CR2: variants seen among roughly 807,000 people sequenced by gnomAD.
CR2 encodes the protein complement receptor type 2.
A neutral mutation model predicts 123.0 loss-of-function variants in CR2; 96 were observed. The ratio of observed to expected loss-of-function variants is 0.78; its 90% CI spans 0.66 to 0.93. The LOEUF is 0.93. Ranked by LOEUF, CR2 falls within the 40% of genes least tolerant of loss-of-function variation. The pLI is 0.00. For synonymous variants in CR2, 484 were observed against 469.5 expected (o/e 1.03, Z -0.40); for missense variants, 1,258 against 1,361.0 (o/e 0.92, Z 1.19).
Position 207,466,842 on chromosome 1 carries a change from C to T in CR2, c.375C>T (p.Asn125=), listed in dbSNP as rs138096192. 1.6e-4 allele frequency: 256 copies of T among 1,612,976 alleles called. No homozygotes were observed. The highest frequency in any genetic ancestry group is 3.3e-4 in the Middle Eastern group (2 of 6,080). The change falls in exon 2 of 20, where the codon AAC becomes AAT. Residue 125 remains asparagine, a synonymous_variant. Coordinates refer to ENST00000367057, the MANE Select transcript of CR2 (RefSeq NM_001006658.3). ...CCTGTAAAACCAACTTCTCCATGAA[C>T]GGAAACAAGTCTGTTTGGTGTCAAG... ...TFACKTNFSM[N]GNKSVWCQAN...
At chr1:207,478,663 ATG>A (rs1208887619) in intron 16 of CR2, among the ~76,000 whole-genome samples, 1 of 152,122 alleles carries the variant, frequency 6.6e-6, no homozygotes, top group Admixed American at 6.5e-5. Context: ...AGGAACAAAA[ATG>A]TGAAACAAGC....
chr1:207,480,673 T>C (rs2102311820), intron 18 of CR2, among the ~76,000 whole-genome samples: 1 of 152,320 alleles, frequency 6.6e-6, no homozygotes, highest in African/African-American at 2.4e-5. Flanking sequence ...TGATAACTAT[T>C]GTCAGATGAC....
In CR2 at chr1:207,480,073, C is replaced by G. The variant is rs1658562875; in HGVS notation, c.3188+20C>G. ...AGCACGGTAAGTTCAAAGGCGAATACTTGATTGACCAACATGCACAAGTGG... is the reference window on the plus strand; with the variant it reads ...AGCACGGTAAGTTCAAAGGCGAATAGTTGATTGACCAACATGCACAAGTGG... On this transcript the variant is annotated intron_variant, in intron 18 of 19. Transcript: ENST00000367057. 1 of 1,561,708 alleles carries G rather than the reference C, an allele frequency of 6.4e-7. No homozygotes were observed. Among genetic ancestry groups the G allele is most frequent in the Non-Finnish European group, 8.8e-7 (1 of 1,132,916 alleles).
intron 9 of CR2, 24 bp from the exon 10 acceptor site, chr1:207,472,748 T>C (rs1031704917): frequency 4.3e-6 from 7 of 1,611,272 alleles, no homozygotes; most frequent in Non-Finnish European, 5.9e-6. Context: ...AACTCAATTC[T>C]ACAGTATCTT....
chr1:207,463,657 A>G (rs951778083), intron 1 of CR2, among the ~76,000 whole-genome samples: 2 of 152,006 alleles, frequency 1.3e-5, no homozygotes, highest in African/African-American at 2.4e-5. Context: ...TTTTTATTTT[A>G]AGTTCTGGGG....
At position 207,474,856 on chromosome 1, in the gene CR2, A is replaced by G; in HGVS notation, c.2356A>G (p.Asn786Asp). ...IHCHPPPVIV[N>D]GKHTGMMAEN... ...CTGTCACCCTCCACCAGTGATTGTC[A>G]ATGGGAAGCACACAGGCATGATGGC... Residue 786 changes from asparagine to aspartate, a missense_variant, in exon 14 of 20, where the codon AAT (asparagine) becomes GAT (aspartate). Coordinates refer to ENST00000367057, the MANE Select transcript of CR2 (RefSeq NM_001006658.3). 3 of 1,614,028 alleles carry G rather than the reference A, an allele frequency of 1.9e-6. No individual in the cohort carries two copies. Among genetic ancestry groups the G allele is most frequent in the Non-Finnish European group, 2.5e-6 (3 of 1,179,938 alleles).
chr1:207,469,306 T>G (rs543580631), intron 5 of CR2, 74 bp downstream of exon 5: 18 of 1,043,874 alleles, frequency 1.7e-5, no homozygotes, highest in East Asian at 4.7e-5. Flanking sequence ...AGTCATTACC[T>G]TACAGACTCT....
intron 19 of CR2, among the ~76,000 whole-genome samples, chr1:207,486,946 T>C (rs1572968594): frequency 6.6e-6 from 1 of 152,360 alleles, no homozygotes; most frequent in East Asian, 1.9e-4. Flanking sequence ...AGTCTGTATT[T>C]TGGGCAATTG....
At chr1:207,458,073 C>CACACACACACACACACACAT (rs1553278525) in intron 1 of CR2, among the ~76,000 whole-genome samples, 2 of 149,192 alleles carry the variant, frequency 1.3e-5, no homozygotes, top group African/African-American at 5.0e-5. Flanking sequence ...CACACACACA[C>CACACACACACACACACACAT]ACACACACAC....
At position 207,466,955 on chromosome 1, in the gene CR2, C is replaced by A; in HGVS notation, c.445+43C>A. On this transcript the variant is annotated intron_variant, in intron 2 of 19. Transcript: ENST00000367057. Reference sequence around the variant, plus strand: ...GCTGGGTTGGGAGGTTGGGGTCTTGCCTTTCTGTGCAGACCACGTTTTGTA... The same window carrying A: ...GCTGGGTTGGGAGGTTGGGGTCTTGACTTTCTGTGCAGACCACGTTTTGTA... The A allele has an allele frequency of 1.9e-6, 3 of 1,540,294 alleles. No homozygotes were observed. The East Asian group carries it at 6.8e-5, about 35-fold the overall frequency.
chr1:207,462,801 G>A (rs753155061), intron 1 of CR2, among the ~76,000 whole-genome samples: 3 of 152,126 alleles, frequency 2.0e-5, no homozygotes, highest in Non-Finnish European at 4.4e-5. Context: ...ATCACTGTGA[G>A]ATTTTTAAGG....
intron 13 of CR2, 80 bp from the exon 14 acceptor site, chr1:207,474,744 A>C (rs1481696245): frequency 1.6e-5 from 22 of 1,412,008 alleles, no homozygotes; most frequent in Admixed American, 1.2e-4. Context: ...ATGCAGTTGC[A>C]TATTGTCATT....
At chr1:207,483,983 G>A (rs375439565) in intron 18 of CR2, among the ~76,000 whole-genome samples, 2 of 152,112 alleles carry the variant, frequency 1.3e-5, no homozygotes, top group Non-Finnish European at 1.5e-5. Flanking sequence ...AGAGAGTAGC[G>A]TCACAGAATT....
intron 1 of CR2, among the ~76,000 whole-genome samples, chr1:207,459,881 T>C (rs764904730): frequency 7.2e-5 from 11 of 152,214 alleles, no homozygotes; most frequent in Non-Finnish European, 1.5e-4. Context: ...CAAAGGAAGA[T>C]AGCCCTTAAG....
At chr1:207,460,641 C>T (rs551212310) in intron 1 of CR2, among the ~76,000 whole-genome samples, 3 of 152,034 alleles carry the variant, frequency 2.0e-5, no homozygotes, top group Non-Finnish European at 2.9e-5. Flanking sequence ...CAGTTTAGGG[C>T]GTTGAAACTT....
chr1:207,473,795 C>T lies in CR2; in HGVS notation c.2156-6C>T. 1.2e-6 allele frequency: 2 copies of T among 1,613,982 alleles called. No individual in the cohort carries two copies. The highest frequency in any genetic ancestry group is 1.7e-6 in the Non-Finnish European group (2 of 1,179,876). Reference sequence around the variant, plus strand: ...AAATACTGTAATTCCATCCTTGCTTCTCCAGAAACATGCCAGCATGTGAGA... The same window carrying T: ...AAATACTGTAATTCCATCCTTGCTTTTCCAGAAACATGCCAGCATGTGAGA... On this transcript the variant is annotated splice_region_variant and splice_polypyrimidine_tract_variant and intron_variant, in intron 11 of 19. Transcript: ENST00000367057.
At chr1:207,473,917 G>C (rs1450897050) in intron 12 of CR2, 32 bp downstream of exon 12, 1 of 1,594,924 alleles carries the variant, frequency 6.3e-7, no homozygotes, top group Non-Finnish European at 8.6e-7. Flanking sequence ...CTGAGAAAAG[G>C]TCTCAACCTT....
At chr1:207,474,676 TA>T (rs1353652545) in intron 13 of CR2, 147 bp from the exon 14 acceptor site, 4 of 877,310 alleles carry the variant, frequency 4.6e-6, no homozygotes, top group Admixed American at 2.2e-5. Context: ...AAGCTGTTTT[TA>T]AAAAAAGCAT....
At chr1:207,471,574 A>T (rs1202633271) in intron 9 of CR2, 75 bp downstream of exon 9, 2 of 1,041,874 alleles carry the variant, frequency 1.9e-6, no homozygotes, top group South Asian at 2.5e-5. Flanking sequence ...TTGTTTTGGG[A>T]CATGTTATGA....
Sources: gnomAD v4.1 joint callset for allele counts (sites outside exome capture counted in the v4.1 genomes callset) on GRCh38, gnomAD v4.1.1 for gene constraint, MANE v1.5 for transcripts, NCBI Gene and HGNC (gene_info 2026-07-23, HGNC 2026-07-21) for gene names.